KCNQ2: variants seen among roughly 807,000 people sequenced by gnomAD.
KCNQ2 encodes potassium voltage-gated channel subfamily KQT member 2.
In KCNQ2, 14 loss-of-function variants were observed where a neutral mutation model predicts 84.8. The observed-to-expected ratio is 0.17, with a 90% CI of 0.11 to 0.26. The LOEUF (loss-of-function observed/expected upper bound fraction) is 0.26. Ranked by LOEUF, KCNQ2 falls within the 10% of genes least tolerant of loss-of-function variation. The pLI is 1.00. For synonymous variants in KCNQ2, 599 were observed against 554.1 expected (o/e 1.08, Z -1.14); for missense variants, 788 against 1,254.0 (o/e 0.63, Z 5.61).
At chr20:63,469,695 G>T (rs937893314) in intron 1 of KCNQ2, among the ~76,000 whole-genome samples, 12 of 152,260 alleles carry the variant, frequency 7.9e-5, no homozygotes, top group African/African-American at 2.7e-4. Context: ...AAGGAGCCCT[G>T]GCCTTCCCCC....
intron 1 of KCNQ2, chr20:63,471,024 A>G (rs1008538211): frequency 2.6e-5 from 4 of 152,190 alleles, no homozygotes; most frequent in Non-Finnish European, 4.4e-5. Flanking sequence ...GAACCCTCTC[A>G]TATCACAGTC....
Position 63,438,932 on chromosome 20 carries a change from C to T in KCNQ2, c.928-212G>A, listed in dbSNP as rs568181038. On this transcript the variant is annotated intron_variant, in intron 6 of 16. Transcript: ENST00000359125. The surrounding 1 kb of genome is among the most constrained non-coding windows in gnomAD (Gnocchi z 5.1). The stretch of plus-strand genomic sequence containing the variant: ...TCATCAGGGTCAGACCCGTCTCCAC[C>T]GATCCATGCCTCCCCCACCTTCATC... Among the ~76,000 whole-genome samples, 2 of 152,156 alleles carry T rather than the reference C, an allele frequency of 1.3e-5. No homozygotes were observed. Among genetic ancestry groups the T allele is most frequent in the Admixed American group, 6.5e-5 (1 of 15,282 alleles).
intron 1 of KCNQ2, among the ~76,000 whole-genome samples, chr20:63,458,626 G>A (rs1479814278): frequency 2.6e-5 from 4 of 152,186 alleles, no homozygotes; most frequent in African/African-American, 9.7e-5. Context: ...TGTCCCCCCA[G>A]AGCAGCGGTC....
chr20:63,442,585 TCACCACCACCAACAC>T (rs2081195713), intron 4 of KCNQ2, 54 bp from the exon 5 acceptor site: 4 of 1,580,186 alleles, frequency 2.5e-6, no homozygotes, highest in Middle Eastern at 1.7e-4. Context: ...AGCATCACCA[TCACCACCACCAACAC>T]CACCACCATC....
intron 5 of KCNQ2, among the ~76,000 whole-genome samples, chr20:63,440,432 G>C: frequency 6.6e-6 from 1 of 152,214 alleles, no homozygotes; most frequent in Non-Finnish European, 1.5e-5. Flanking sequence ...CCTGCACTCA[G>C]TGCTGGACAT....
chr20:63,442,795 TACC>T (rs2081229416), intron 4 of KCNQ2, among the ~76,000 whole-genome samples: 3 of 10,122 alleles, frequency 3.0e-4, no homozygotes, highest in Admixed American at 2.3e-3. Flanking sequence ...CCATCACCAT[TACC>T]ACCACCATTA....
At chr20:63,411,969 C>A in intron 15 of KCNQ2, 1 of 678,408 alleles carries the variant, frequency 1.5e-6, no homozygotes, top group Non-Finnish European at 2.7e-6. Flanking sequence ...CTGGCGGAAA[C>A]GGAAGCAACA....
chr20:63,461,596 C>T (rs1036354909), intron 1 of KCNQ2, among the ~76,000 whole-genome samples: 2 of 152,190 alleles, frequency 1.3e-5, no homozygotes, highest in African/African-American at 4.8e-5. Flanking sequence ...CCTCCCCCAT[C>T]CCCAAGAGTG....
intron 1 of KCNQ2, among the ~76,000 whole-genome samples, chr20:63,458,247 C>A (rs536189460): frequency 6.6e-6 from 1 of 152,252 alleles, no homozygotes; most frequent in South Asian, 2.1e-4. Context: ...CACTTTGATC[C>A]CAGAAGCATG....
At chr20:63,443,542 C>G (rs1458131974) in intron 4 of KCNQ2, 3 of 122,474 alleles carry the variant, frequency 2.4e-5, no homozygotes, top group Admixed American at 1.8e-4. Flanking sequence ...CCACCACCAC[C>G]ATGACCATCA....
chr20:63,427,052 C>T (rs1402940654), intron 10 of KCNQ2, among the ~76,000 whole-genome samples: 1 of 152,192 alleles, frequency 6.6e-6, no homozygotes, highest in African/African-American at 2.4e-5. Flanking sequence ...GAAACCCCAT[C>T]TCTACCAAAA....
In KCNQ2 at chr20:63,407,336, T is replaced by G. The variant is rs1021032210; in HGVS notation, c.1927A>C (p.Ile643Leu). The G allele has an allele frequency of 1.3e-6, 2 of 1,597,600 alleles. No homozygotes were observed. Among genetic ancestry groups the G allele is most frequent in the Non-Finnish European group, 1.7e-6 (2 of 1,179,294 alleles). The change falls in exon 17 of 17, where the codon ATC becomes CTC. Residue 643 changes from isoleucine (I) to leucine (L), a missense_variant. Physicochemically the swap from Ile to Leu is conservative, Grantham distance 5 (BLOSUM62 2). Transcript: ENST00000359125. The surrounding 1 kb of genome is among the most constrained non-coding windows in gnomAD (Gnocchi z 7.2). The stretch of plus-strand genomic sequence containing the variant: ...GGGATGCCCATCCGCTGCATGTAGA[T>G]ATTCACCAGGAAGTCCAGCTTCTTC... ...MEKKLDFLVN[I>L]YMQRMGIPPT...
intron 11 of KCNQ2, among the ~76,000 whole-genome samples, chr20:63,423,136 C>A (rs2080524156): frequency 6.6e-6 from 1 of 152,194 alleles, no homozygotes; most frequent in Non-Finnish European, 1.5e-5. Flanking sequence ...ATGAATGAGC[C>A]CCTGGTGGTT....
chr20:63,424,898 C>T (rs1025056632), intron 10 of KCNQ2, among the ~76,000 whole-genome samples: 3 of 152,206 alleles, frequency 2.0e-5, no homozygotes, highest in Non-Finnish European at 4.4e-5. Context: ...GGCTGGTGCC[C>T]CGGCTGGTAC....
intron 9 of KCNQ2, among the ~76,000 whole-genome samples, chr20:63,431,003 G>C (rs2080771320): frequency 6.6e-6 from 1 of 152,186 alleles, no homozygotes; most frequent in South Asian, 2.1e-4. Context: ...CACGAGGGGA[G>C]CCAGGCCAGA....
chr20:63,438,819 A>C lies in KCNQ2; in HGVS notation c.928-99T>G, dbSNP rs1833372738. On this transcript the variant is annotated intron_variant, in intron 6 of 16. Transcript: ENST00000359125. The surrounding 1 kb of genome is among the most constrained non-coding windows in gnomAD (Gnocchi z 5.1). Reference sequence around the variant, plus strand: ...TGGGGCCCCACACCCCCCCCAATTCATCAGGGTCAGACCACACTCCAGAGA... The same window carrying C: ...TGGGGCCCCACACCCCCCCCAATTCCTCAGGGTCAGACCACACTCCAGAGA... The C allele has an allele frequency of 2.3e-5, 17 of 723,734 alleles. No homozygotes were observed. Among genetic ancestry groups the C allele is most frequent in the Admixed American group, 1.9e-4 (8 of 42,572 alleles). The allele number at this position is 723,734 out of a possible 1,614,324, so 44.8% of individuals were successfully genotyped here. A position where few individuals can be genotyped will look rare whatever the true frequency, so the allele number is the denominator to read the frequency against.
At position 63,406,918 on chromosome 20, in the gene KCNQ2, C is replaced by T. The variant is rs756083804; in HGVS notation, c.2345G>A (p.Arg782Gln). The change falls in exon 17 of 17, where the codon CGG becomes CAG. Residue 782 changes from arginine to glutamine, a missense_variant. Arg to Gln is a conservative substitution (Grantham distance 43, BLOSUM62 1). Coordinates refer to ENST00000359125, the MANE Select transcript of KCNQ2 (RefSeq NM_172107.4). The stretch of plus-strand genomic sequence containing the variant: ...GATGGAGATGGACGTGTCGCTGTCC[C>T]GCAGGTTCCCCTCGGGGGGCCTGCA... ...PGCRPPEGNLRDSDTSISIPS... is the reference protein window; with the variant it reads ...PGCRPPEGNLQDSDTSISIPS... 7.5e-6 allele frequency: 12 copies of T among 1,608,392 alleles called. No homozygotes were observed. The highest frequency in any genetic ancestry group is 1.6e-4 in the Middle Eastern group (1 of 6,078).
At position 63,429,994 on chromosome 20, in the gene KCNQ2, T is replaced by G. The variant is rs140322376; in HGVS notation, c.1148+1346A>C. Among the ~76,000 whole-genome samples, 277 of 152,238 alleles carry G rather than the reference T, an allele frequency of 1.8e-3. 1 individual carries two copies. The highest frequency in any genetic ancestry group is 5.7e-3 in the African/African-American group (238 of 41,544). On this transcript the variant is annotated intron_variant, in intron 9 of 16. Coordinates refer to ENST00000359125, the MANE Select transcript of KCNQ2 (RefSeq NM_172107.4). ...GAACCAGGCAGCTGGTGAGCTGGTG[T>G]TGTGGGCGCAGCAGAGCCCAGCCTG...
intron 1 of KCNQ2, among the ~76,000 whole-genome samples, chr20:63,468,004 C>T (rs2082122164): frequency 6.6e-6 from 1 of 152,218 alleles, no homozygotes; most frequent in South Asian, 2.1e-4. Context: ...CTCTCACAGA[C>T]ACAGAATGTG....
Sources: allele counts gnomAD v4.1 joint callset (sites outside exome capture counted in the v4.1 genomes callset), GRCh38; gene constraint gnomAD v4.1.1; non-coding constraint Gnocchi (gnomAD v3.1); transcripts MANE v1.5; gene names NCBI Gene and HGNC (gene_info 2026-07-23, HGNC 2026-07-21).